The following XRN1 variants were observed in gnomAD, a reference collection of about 807,000 sequenced individuals.
The protein encoded by XRN1 is 5'-3' exoribonuclease 1.
A neutral mutation model predicts 222.3 loss-of-function variants in XRN1; 67 were observed. The observed-to-expected ratio is 0.30, with a 90% CI of 0.25 to 0.37. The LOEUF (loss-of-function observed/expected upper bound fraction) is 0.37. XRN1 is among the 10% of genes least tolerant of loss of function. The pLI, the probability that XRN1 is intolerant of heterozygous loss-of-function variation, is 1.00. For missense variants in XRN1, 1,707 were observed against 2,000.2 expected, an observed-to-expected ratio of 0.85 and a Z score of 2.80; for synonymous variants, 643 against 652.4, an observed-to-expected ratio of 0.99 and a Z score of 0.22.
chr3:142,405,891 T>TA (rs1415076777), intron 15 of XRN1, among the ~76,000 whole-genome samples: 2 of 152,084 alleles, frequency 1.3e-5, no homozygotes, highest in Non-Finnish European at 2.9e-5. Context: ...TTTAGTGTGA[T>TA]AAAGTTTTAT....
chr3:142,406,423 C>T (rs957186072), intron 15 of XRN1, among the ~76,000 whole-genome samples: 1 of 152,210 alleles, frequency 6.6e-6, no homozygotes, highest in Admixed American at 6.5e-5. Context: ...AGGACAAAAG[C>T]TTCTTGACAC....
intron 37 of XRN1, among the ~76,000 whole-genome samples, chr3:142,328,697 G>T (rs1379282431): frequency 2.5e-5 from 2 of 79,030 alleles, no homozygotes; most frequent in Non-Finnish European, 4.7e-5. Flanking sequence ...AGGTTTACTT[G>T]TAATATTATA....
intron 32 of XRN1, 33 bp downstream of exon 32, chr3:142,355,368 A>C (rs1305905691): frequency 3.3e-6 from 4 of 1,202,800 alleles, no homozygotes; most frequent in Non-Finnish European, 4.5e-6. Context: ...ATTTTCTTTA[A>C]ATTAATTGTC....
chr3:142,346,252 C>A (rs1282420694), intron 33 of XRN1, among the ~76,000 whole-genome samples: 1 of 152,142 alleles, frequency 6.6e-6, no homozygotes, highest in Non-Finnish European at 1.5e-5. Context: ...AAGATTGCTT[C>A]CAAGACCCTC....
At chr3:142,374,236 A>G (rs2067072242) in intron 25 of XRN1, among the ~76,000 whole-genome samples, 1 of 152,170 alleles carries the variant, frequency 6.6e-6, no homozygotes, top group South Asian at 2.1e-4. Flanking sequence ...AATTCCTAGG[A>G]TGACAGTACC....
intron 30 of XRN1, among the ~76,000 whole-genome samples, chr3:142,358,292 G>A (rs1319559883): frequency 1.3e-5 from 2 of 152,030 alleles, no homozygotes; most frequent in African/African-American, 4.8e-5. Flanking sequence ...AAGTATTTGT[G>A]ATTTCCATCT....
intron 37 of XRN1, 117 bp from the exon 38 acceptor site, chr3:142,319,020 G>C (rs2065280138): frequency 3.3e-6 from 3 of 903,916 alleles, no homozygotes; most frequent in Non-Finnish European, 4.8e-6. Flanking sequence ...AGGGCTTTCA[G>C]TTCAAGTTTT....
chr3:142,322,541 C>T (rs995047235), intron 37 of XRN1, among the ~76,000 whole-genome samples: 1 of 151,876 alleles, frequency 6.6e-6, no homozygotes, highest in East Asian at 1.9e-4. Flanking sequence ...CAAAAATTAG[C>T]CGGGTGGGGT....
chr3:142,377,300 T>C (rs979498596), intron 23 of XRN1, among the ~76,000 whole-genome samples: 2 of 150,512 alleles, frequency 1.3e-5, no homozygotes, highest in African/African-American at 2.4e-5. Flanking sequence ...CTAACTAGGA[T>C]AAACTACCAT....
At chr3:142,386,716 C>T (rs1008102461) in intron 20 of XRN1, among the ~76,000 whole-genome samples, 1 of 152,176 alleles carries the variant, frequency 6.6e-6, no homozygotes, top group South Asian at 2.1e-4. Context: ...TATGCATATT[C>T]AAATGGCCAA....
chr3:142,318,129 A>G (rs1041013321), intron 39 of XRN1, among the ~76,000 whole-genome samples: 1 of 152,176 alleles, frequency 6.6e-6, no homozygotes, highest in Non-Finnish European at 1.5e-5. Context: ...TAAATAAATT[A>G]TTGGCTTTAA....
Position 142,423,634 on chromosome 3 carries a change from A to C in XRN1, c.636T>G (p.Leu212=), listed in dbSNP as rs1189163568. The change falls in exon 6 of 41, where the codon CTT becomes CTG. Residue 212 remains leucine (L), a synonymous_variant. Coordinates refer to ENST00000392981, the MANE Select transcript of XRN1 (RefSeq NM_001282857.2). ...LYGLDADLIM[L]GLTSHEAHFS... The stretch of plus-strand genomic sequence containing the variant: ...AATGTGCCTCATGACTTGTTAATCC[A>C]AGCATAATCTGTTGAAAAATGATTA... 6.3e-7 allele frequency: 1 copy of C among 1,579,294 alleles called. No individual in the cohort carries two copies. Among genetic ancestry groups the C allele is most frequent in the African/African-American group, 1.4e-5 (1 of 73,116 alleles).
At chr3:142,359,810 C>A in intron 30 of XRN1, 52 bp downstream of exon 30, 1 of 1,350,860 alleles carries the variant, frequency 7.4e-7, no homozygotes, top group East Asian at 2.3e-5. Context: ...TGTAAAGTCA[C>A]TGGCCACATG....
At chr3:142,408,863 T>C (rs186525134) in intron 15 of XRN1, among the ~76,000 whole-genome samples, 13 of 152,350 alleles carry the variant, frequency 8.5e-5, no homozygotes, top group Admixed American at 2.0e-4. Flanking sequence ...ATATTGGGTA[T>C]TGCCTTTTAA....
chr3:142,319,487 G>C (rs1263023768), intron 37 of XRN1, among the ~76,000 whole-genome samples: 1 of 151,996 alleles, frequency 6.6e-6, no homozygotes, highest in Non-Finnish European at 1.5e-5. Context: ...TTAATTTTCT[G>C]TTTTATAAAA....
chr3:142,346,145 T>G (rs1293003984), intron 33 of XRN1, among the ~76,000 whole-genome samples: 1 of 152,148 alleles, frequency 6.6e-6, no homozygotes, highest in Non-Finnish European at 1.5e-5. Context: ...TGTCTACAAA[T>G]GGATGAACCG....
chr3:142,350,833 A>G (rs1367371717), intron 32 of XRN1, among the ~76,000 whole-genome samples: 1 of 152,192 alleles, frequency 6.6e-6, no homozygotes. Flanking sequence ...TGAGATGGAA[A>G]TGACATTAGG....
intron 20 of XRN1, among the ~76,000 whole-genome samples, chr3:142,396,110 AT>A (rs1307455968): frequency 1.3e-5 from 2 of 152,182 alleles, no homozygotes; most frequent in Non-Finnish European, 2.9e-5. Context: ...ACTCATTATT[AT>A]TCATTACGTG....
chr3:142,359,993 A>C, intron 29 of XRN1, 62 bp from the exon 30 acceptor site: 1 of 1,189,034 alleles, frequency 8.4e-7, no homozygotes, highest in Non-Finnish European at 1.2e-6. Flanking sequence ...ATCAACAGAT[A>C]AGTTTTTGGA....
Sources: gnomAD v4.1 joint callset for allele counts (sites outside exome capture counted in the v4.1 genomes callset) on GRCh38, gnomAD v4.1.1 for gene constraint, MANE v1.5 for transcripts, NCBI Gene and HGNC (gene_info 2026-07-23, HGNC 2026-07-21) for gene names.